Variants in PTPN3 observed in about 807,000 individuals in gnomAD.
PTPN3 encodes the protein protein tyrosine phosphatase non-receptor type 3.
A neutral mutation model predicts 132.7 loss-of-function variants in PTPN3; 96 were observed. That is an observed-to-expected ratio of 0.72 (90% CI 0.61 to 0.86). PTPN3 has a LOEUF of 0.86. Among genes scored for constraint, PTPN3 ranks in the 40% least tolerant of loss-of-function variants. PTPN3 has a pLI of 0.00. For missense variants in PTPN3, 1,125 were observed against 1,159.6 expected, an observed-to-expected ratio of 0.97 and a Z score of 0.43; for synonymous variants, 398 against 429.0, an observed-to-expected ratio of 0.93 and a Z score of 0.89.
Position 109,454,545 on chromosome 9 carries a change from C to T in PTPN3, c.319G>A (p.Val107Ile). 1.2e-6 allele frequency: 2 copies of T among 1,613,610 alleles called. No homozygotes were observed. Among genetic ancestry groups the T allele is most frequent in the Non-Finnish European group, 1.7e-6 (2 of 1,179,872 alleles). The change falls in exon 5 of 26, where the codon GTA becomes ATA. Residue 107 changes from valine (V) to isoleucine (I), a missense_variant. Coordinates refer to ENST00000374541, the MANE Select transcript of PTPN3 (RefSeq NM_002829.4). ...GGFPCTLHFR[V>I]RFFIPDPNTL... ...TTGGGATCAGGTATAAAAAATCTTA[C>T]TCGAAAATGCAGGGTACAGGGGAAA...
At chr9:109,425,413 A>G (rs1402872300) in intron 12 of PTPN3, among the ~76,000 whole-genome samples, 2 of 152,202 alleles carry the variant, frequency 1.3e-5, no homozygotes, top group African/African-American at 4.8e-5. Context: ...AAACCAACAA[A>G]TGATTTAGAA....
At chr9:109,431,023 GC>G (rs1458597721) in intron 10 of PTPN3, among the ~76,000 whole-genome samples, 1 of 152,232 alleles carries the variant, frequency 6.6e-6, no homozygotes, top group East Asian at 1.9e-4. Flanking sequence ...CTGGGCACTT[GC>G]CCATGCACCT....
chr9:109,458,753 G>A (rs964990604), intron 2 of PTPN3, among the ~76,000 whole-genome samples: 1 of 152,186 alleles, frequency 6.6e-6, no homozygotes, highest in African/African-American at 2.4e-5. Context: ...GGTGGGGAAA[G>A]AATGACCCAG....
chr9:109,469,706 A>G (rs1186051209), intron 1 of PTPN3, among the ~76,000 whole-genome samples: 2 of 152,286 alleles, frequency 1.3e-5, no homozygotes, highest in East Asian at 1.9e-4. Context: ...AGTTCCGTTG[A>G]AAAAAAGGAG....
At chr9:109,493,822 A>T (rs1252328730) in intron 1 of PTPN3, among the ~76,000 whole-genome samples, 1 of 152,220 alleles carries the variant, frequency 6.6e-6, no homozygotes, top group South Asian at 2.1e-4. Flanking sequence ...CAATCAGAGC[A>T]TCACCCACAG....
At chr9:109,389,740 C>T (rs1839906460) in intron 21 of PTPN3, among the ~76,000 whole-genome samples, 1 of 152,142 alleles carries the variant, frequency 6.6e-6, no homozygotes, top group African/African-American at 2.4e-5. Context: ...TAAGTCTTTC[C>T]CTATGCAGGG....
At chr9:109,497,403 G>T (rs554796683) in intron 1 of PTPN3, among the ~76,000 whole-genome samples, 1 of 152,154 alleles carries the variant, frequency 6.6e-6, no homozygotes, top group Admixed American at 6.5e-5. Context: ...GGAAACTGAG[G>T]ACCAGAGAGG....
chr9:109,424,629 C>A lies in PTPN3; in HGVS notation c.1002-1777G>T, dbSNP rs547700226. On this transcript the variant is annotated intron_variant, in intron 12 of 25. Transcript: ENST00000374541. ...ATCCAGATGGGGATGCTAAGGAGTCCAGGTGAGTCCAGCCTTCCAACCATT... is the reference window on the plus strand; with the variant it reads ...ATCCAGATGGGGATGCTAAGGAGTCAAGGTGAGTCCAGCCTTCCAACCATT... Among the ~76,000 whole-genome samples the A allele has an allele frequency of 7.2e-5, 11 of 152,254 alleles. No individual in the cohort carries two copies. The East Asian group carries it at 2.1e-3, about 29-fold the overall frequency.
chr9:109,468,228 A>G (rs565567052), intron 1 of PTPN3, among the ~76,000 whole-genome samples: 1 of 152,314 alleles, frequency 6.6e-6, no homozygotes, highest in East Asian at 1.9e-4. Context: ...GACACAAATG[A>G]TTACAGCTGC....
rs562893437 is a variant in PTPN3 at position 109,377,767 on chromosome 9, T to C, written c.*1789A>G. ...ATAGCGTGATCTTATTCAATCCTCA[T>C]GTTCCAACTAAAGTCCTAAGTATTG... On this transcript the variant is annotated 3_prime_UTR_variant, in exon 26 of 26. Transcript: ENST00000374541. 2.6e-5 allele frequency: 4 copies of C among 152,336 alleles called. No homozygotes were observed. The highest frequency in any genetic ancestry group is 7.2e-5 in the African/African-American group (3 of 41,580). The allele number at this position is 152,336 out of a possible 1,614,324, so 9.4% of individuals were successfully genotyped here.
At chr9:109,453,684 C>A in intron 5 of PTPN3, among the ~76,000 whole-genome samples, 1 of 152,148 alleles carries the variant, frequency 6.6e-6, no homozygotes, top group African/African-American at 2.4e-5. Context: ...GCTCTCCTTT[C>A]TAACTCTTGC....
At chr9:109,422,380 A>G (rs1047652215) in intron 13 of PTPN3, among the ~76,000 whole-genome samples, 1 of 152,234 alleles carries the variant, frequency 6.6e-6, no homozygotes, top group Non-Finnish European at 1.5e-5. Flanking sequence ...AACATGAATT[A>G]AGTAAAGCTA....
At chr9:109,416,285 T>C (rs1025102304) in intron 14 of PTPN3, among the ~76,000 whole-genome samples, 8 of 152,114 alleles carry the variant, frequency 5.3e-5, no homozygotes, top group Non-Finnish European at 1.2e-4. Context: ...AGTGGGCACC[T>C]GGGCTGTCTA....
rs1394096795 is a variant in PTPN3, at chr9:109,376,636, G to A, written c.*2920C>T. On this transcript the variant is annotated 3_prime_UTR_variant, in exon 26 of 26. Transcript: ENST00000374541. Reference sequence around the variant, plus strand: ...TCTTTCAGAAAGTGCCAGAACATAGGATGTAAATGTCTTCTCCATTCATAT... The same window carrying A: ...TCTTTCAGAAAGTGCCAGAACATAGAATGTAAATGTCTTCTCCATTCATAT... 1 of 152,108 alleles carries A rather than the reference G, an allele frequency of 6.6e-6. No homozygotes were observed. The highest frequency in any genetic ancestry group is 1.5e-5 in the Non-Finnish European group (1 of 68,014). The allele number at this position is 152,108 out of a possible 1,614,324, so 9.4% of individuals were successfully genotyped here. A position where few individuals can be genotyped will look rare whatever the true frequency, so the allele number is the denominator to read the frequency against.
At chr9:109,533,147 TTTTTTTTTG>T in the PTPN3 span, among the ~76,000 whole-genome samples, 1 of 102,580 alleles carries the variant, frequency 9.7e-6, no homozygotes, top group African/African-American at 4.0e-5. Context: ...TTTTTTTTTT[TTTTTTTTTG>T]AGACGGAGTC....
rs545103745 is a variant in PTPN3, at chr9:109,488,877, C to T, written c.-18+9342G>A. 1.6e-4 allele frequency among the ~76,000 whole-genome samples: 25 copies of T among 152,324 alleles called. 1 individual carries two copies. In the South Asian group the frequency reaches 5.2e-3, roughly 32 times the overall value. ...GCATCCAAGTCCCTGTCTGCATCTACTGTCCATCCAATGCCCATCCTCTTC... is the reference window on the plus strand; with the variant it reads ...GCATCCAAGTCCCTGTCTGCATCTATTGTCCATCCAATGCCCATCCTCTTC... On this transcript the variant is annotated intron_variant, in intron 1 of 25. Coordinates refer to ENST00000374541, the MANE Select transcript of PTPN3 (RefSeq NM_002829.4).
intron 2 of PTPN3, among the ~76,000 whole-genome samples, chr9:109,460,979 C>T (rs541838723): frequency 1.2e-4 from 18 of 152,218 alleles, no homozygotes; most frequent in Middle Eastern, 3.4e-3. Context: ...AGAGGATAAA[C>T]GGTTAAAGAA....
chr9:109,436,728 C>CA (rs1588424234), intron 9 of PTPN3, among the ~76,000 whole-genome samples, 155 bp downstream of exon 9: 1 of 152,064 alleles, frequency 6.6e-6, no homozygotes, highest in East Asian at 1.9e-4. Context: ...AAATGACCAA[C>CA]AAAAAATTCA....
chr9:109,391,443 G>C (rs753120558), intron 20 of PTPN3, 28 bp downstream of exon 20: 2 of 1,572,760 alleles, frequency 1.3e-6, no homozygotes, highest in African/African-American at 1.4e-5. Context: ...GTGTAGGGGG[G>C]AAGGAGGCAT....
Sources: allele counts gnomAD v4.1 joint callset (sites outside exome capture counted in the v4.1 genomes callset), GRCh38; gene constraint gnomAD v4.1.1; transcripts MANE v1.5; gene names NCBI Gene and HGNC (gene_info 2026-07-23, HGNC 2026-07-21).